The following HKDC1 variants were observed in gnomAD, a reference collection of about 807,000 sequenced individuals.
HKDC1 encodes the protein hexokinase domain containing 1.
A neutral mutation model predicts 96.6 loss-of-function variants in HKDC1; 66 were observed. That is an observed-to-expected ratio of 0.68 (90% CI 0.56 to 0.84). HKDC1 has a LOEUF of 0.84. Among genes scored for constraint, HKDC1 ranks in the 40% least tolerant of loss-of-function variants. The pLI is 0.00. For synonymous variants in HKDC1, 466 were observed against 473.1 expected (o/e 0.98, Z 0.20); for missense variants, 1,211 against 1,208.1 (o/e 1.00, Z -0.04).
chr10:69,238,006 T>A (rs1843389884), intron 4 of HKDC1, among the ~76,000 whole-genome samples: 1 of 152,250 alleles, frequency 6.6e-6, no homozygotes, highest in Admixed American at 6.5e-5. Context: ...CCAAGTTCTC[T>A]TCCAGTCTGA....
intron 7 of HKDC1, among the ~76,000 whole-genome samples, chr10:69,245,021 C>T (rs10998670): frequency 5.9e-5 from 9 of 152,114 alleles, no homozygotes; most frequent in African/African-American, 1.9e-4. Context: ...CCTGCCTCAG[C>T]CTCCTGAGTA....
At chr10:69,244,356 C>T (rs933325945) in intron 7 of HKDC1, among the ~76,000 whole-genome samples, 4 of 152,144 alleles carry the variant, frequency 2.6e-5, no homozygotes, top group African/African-American at 4.8e-5. Flanking sequence ...CTTCTAGGAG[C>T]GATTCAAACA....
intron 14 of HKDC1, 109 bp downstream of exon 14, chr10:69,257,535 C>A: frequency 1.1e-6 from 1 of 887,448 alleles, no homozygotes; most frequent in Non-Finnish European, 1.9e-6. Context: ...AGGCTCTGCC[C>A]AAGGCAGAGA....
intron 15 of HKDC1, 73 bp from the exon 16 acceptor site, chr10:69,261,066 G>A (rs1843799114): frequency 1.4e-6 from 2 of 1,423,978 alleles, no homozygotes; most frequent in African/African-American, 2.8e-5. Context: ...TAGCTCCAAA[G>A]CCTGGCCTTC....
At chr10:69,232,123 A>T (rs1387833014) in intron 2 of HKDC1, among the ~76,000 whole-genome samples, 1 of 152,206 alleles carries the variant, frequency 6.6e-6, no homozygotes, top group East Asian at 1.9e-4. Flanking sequence ...GATTACAGGC[A>T]TGAGCCACTG....
At chr10:69,261,585 A>G in intron 16 of HKDC1, 1 of 278,358 alleles carries the variant, frequency 3.6e-6, no homozygotes, top group Non-Finnish European at 6.9e-6. Context: ...ATATTTCATA[A>G]TGTATTTCTG....
intron 2 of HKDC1, 70 bp downstream of exon 2, chr10:69,227,439 T>G: frequency 6.4e-7 from 1 of 1,560,568 alleles, no homozygotes; most frequent in Non-Finnish European, 8.8e-7. Context: ...GTACCTAAGG[T>G]TTGCCCCTGT....
In HKDC1 at chr10:69,237,976, G is replaced by C. The variant is rs377017119; in HGVS notation, c.496-1066G>C. On this transcript the variant is annotated intron_variant, in intron 4 of 17. Transcript: ENST00000354624. Reference sequence around the variant, plus strand: ...CAGCTGCTCTTGACTGAGACGACTTGGGCGATTCTCTTTTAACTTCCAAGT... The same window carrying C: ...CAGCTGCTCTTGACTGAGACGACTTCGGCGATTCTCTTTTAACTTCCAAGT... 3.2e-4 allele frequency among the ~76,000 whole-genome samples: 49 copies of C among 152,280 alleles called. No homozygotes were observed. In the South Asian group the frequency reaches 8.9e-3, roughly 28 times the overall value.
Position 69,266,741 on chromosome 10 carries a change from C to T in HKDC1, c.2738C>T (p.Ala913Val). 1 of 1,612,128 alleles carries T rather than the reference C, an allele frequency of 6.2e-7. No individual in the cohort carries two copies. The stretch of plus-strand genomic sequence containing the variant: ...GCTGTGGCCAAGAGGTTACAGCAGG[C>T]ACAGAAGGAGAACTAGGAACCCCTG... ...ITAVAKRLQQ[A>V]QKEN The change falls in exon 18 of 18, where the codon GCA (alanine) becomes GTA (valine). Residue 913 changes from alanine (A) to valine (V), a missense_variant. Ala to Val is a moderately conservative substitution (Grantham distance 64). Transcript: ENST00000354624.
chr10:69,250,250 T>C (rs1326996047), intron 10 of HKDC1, 40 bp from the exon 11 acceptor site: 1 of 1,592,638 alleles, frequency 6.3e-7, no homozygotes, highest in Admixed American at 1.7e-5. Context: ...CCGACACAAG[T>C]CCCTGTCATG....
In HKDC1 at chr10:69,239,089, G is replaced by A. The variant is rs767368786; in HGVS notation, c.543G>A (p.Gln181=). The A allele has an allele frequency of 6.2e-7, 1 of 1,613,988 alleles. No homozygotes were observed. Among genetic ancestry groups the A allele is most frequent in the Admixed American group, 1.7e-5 (1 of 60,014 alleles). Residue 181 remains glutamine, a synonymous_variant, in exon 5 of 18, where the codon CAG becomes CAA. Transcript: ENST00000354624. ...WTKKFKARGV[Q]DTDVVSRLTK... ...AAAAGTTTAAGGCACGAGGAGTTCA[G>A]GACACGGATGTGGTGAGCCGTCTGA...
chr10:69,256,891 T>G, intron 12 of HKDC1, 145 bp from the exon 13 acceptor site: 1 of 661,238 alleles, frequency 1.5e-6, no homozygotes, highest in African/African-American at 1.8e-5. Context: ...TGCCCAGGGT[T>G]AGGGTTGTGG....
chr10:69,238,178 A>G (rs1004854029), intron 4 of HKDC1, among the ~76,000 whole-genome samples: 4 of 152,236 alleles, frequency 2.6e-5, no homozygotes, highest in Admixed American at 2.6e-4. Flanking sequence ...TCCTGGCCTC[A>G]AGTGATCCAC....
chr10:69,260,964 T>C (rs1282533940), intron 15 of HKDC1, among the ~76,000 whole-genome samples, 175 bp from the exon 16 acceptor site: 2 of 152,130 alleles, frequency 1.3e-5, no homozygotes, highest in Non-Finnish European at 2.9e-5. Flanking sequence ...GCGCTACTCT[T>C]CTCCCTGTTT....
chr10:69,260,166 G>A (rs1023316199), intron 15 of HKDC1, among the ~76,000 whole-genome samples: 1 of 152,214 alleles, frequency 6.6e-6, no homozygotes, highest in Non-Finnish European at 1.5e-5. Flanking sequence ...GGAAATGTGA[G>A]GGGATGCTTA....
In HKDC1 at chr10:69,239,044, T is replaced by A. The variant is rs139863119; in HGVS notation, c.498T>A (p.Gly166=). 2 of 1,611,622 alleles carry A rather than the reference T, an allele frequency of 1.2e-6. No homozygotes were observed. The highest frequency in any genetic ancestry group is 2.7e-5 in the African/African-American group (2 of 74,862). The change falls in exon 5 of 18, where the codon GGT becomes GGA. Residue 166 remains glycine, a splice_region_variant and synonymous_variant. Transcript: ENST00000354624. Reference sequence around the variant, plus strand: ...CTGGACCTGAAATCTTCTCCCAGGGTGTCCTACTTTCGTGGACAAAAAAGT... The same window carrying A: ...CTGGACCTGAAATCTTCTCCCAGGGAGTCCTACTTTCGTGGACAAAAAAGT... ...FPCRQTKLEE[G]VLLSWTKKFK...
At chr10:69,236,976 A>G (rs1331416022) in intron 4 of HKDC1, among the ~76,000 whole-genome samples, 1 of 152,272 alleles carries the variant, frequency 6.6e-6, no homozygotes, top group Non-Finnish European at 1.5e-5. Context: ...TGGCAAAGCT[A>G]TTTAAGCAGG....
intron 10 of HKDC1, among the ~76,000 whole-genome samples, chr10:69,249,627 C>G (rs1284372850): frequency 6.6e-6 from 1 of 152,226 alleles, no homozygotes; most frequent in Admixed American, 6.5e-5. Context: ...TCCCGAGTAG[C>G]TGGGACTACA....
At chr10:69,234,287 T>G (rs1843326986) in intron 4 of HKDC1, among the ~76,000 whole-genome samples, 1 of 152,212 alleles carries the variant, frequency 6.6e-6, no homozygotes, top group South Asian at 2.1e-4. Flanking sequence ...TGGTGTGGAA[T>G]AGTGAAAGGG....
Sources: allele counts gnomAD v4.1 joint callset (sites outside exome capture counted in the v4.1 genomes callset), GRCh38; gene constraint gnomAD v4.1.1; transcripts MANE v1.5; gene names NCBI Gene and HGNC (gene_info 2026-07-23, HGNC 2026-07-21).